ALB: variants seen among roughly 807,000 people sequenced by gnomAD.
ALB encodes serum albumin.
Under a neutral mutation model 74.5 loss-of-function variants are expected in ALB, and 37 were observed. The ratio of observed to expected loss-of-function variants is 0.50; its 90% CI spans 0.38 to 0.65. The LOEUF is 0.65. Ranked by LOEUF, ALB falls within the 30% of genes least tolerant of loss-of-function variation. ALB has a pLI of 0.00. For missense variants in ALB, 685 were observed against 718.7 expected (o/e 0.95, Z 0.54); for synonymous variants, 249 against 251.6 (o/e 0.99, Z 0.10).
Position 73,421,194 on chromosome 4 carries a change from T to A in ALB, c.*126T>A. ...CAACACCCTGTCTAAAAAACATAAA[T>A]TTCTTTAATCATTTTGCCTCTTTTC... On this transcript the variant is annotated 3_prime_UTR_variant, in exon 15 of 15. Coordinates refer to ENST00000295897, the MANE Select transcript of ALB (RefSeq NM_000477.7). 1.5e-6 allele frequency: 1 copy of A among 651,732 alleles called. No homozygotes were observed. 40.4% of individuals were successfully genotyped at this position (651,732 alleles called of 1,614,324 possible).
chr4:73,416,197 A>G, intron 9 of ALB, 59 bp from the exon 10 acceptor site: 1 of 1,433,072 alleles, frequency 7.0e-7, no homozygotes, highest in Non-Finnish European at 9.8e-7. Context: ...AGGGGTGAAA[A>G]ACAACCTGCA....
chr4:73,419,742 TG>T, intron 13 of ALB, 103 bp downstream of exon 13: 1 of 1,367,878 alleles, frequency 7.3e-7, no homozygotes, highest in Non-Finnish European at 1.0e-6. Context: ...TTTGTACATG[TG>T]GGACAGGGAT....
At position 73,413,430 on chromosome 4, in the gene ALB, C is replaced by T; in HGVS notation, c.854C>T (p.Ala285Val). 1 of 1,613,824 alleles carries T rather than the reference C, an allele frequency of 6.2e-7. No homozygotes were observed. Among genetic ancestry groups the T allele is most frequent in the Non-Finnish European group, 8.5e-7 (1 of 1,179,776 alleles). ...LECADDRADL[A>V]KYICENQDSI... ...CCAACTTACTTATAGGCGGACCTTGCCAAGTATATCTGTGAAAATCAAGAT... is the reference window on the plus strand; with the variant it reads ...CCAACTTACTTATAGGCGGACCTTGTCAAGTATATCTGTGAAAATCAAGAT... The change falls in exon 8 of 15, where the codon GCC becomes GTC. Residue 285 changes from alanine to valine, a missense_variant. Physicochemically the swap from Ala to Val is moderately conservative, Grantham distance 64. Transcript: ENST00000295897.
At position 73,418,186 on chromosome 4, in the gene ALB, A is replaced by G; in HGVS notation, c.1527A>G (p.Arg509=). 1 of 1,614,192 alleles carries G rather than the reference A, an allele frequency of 6.2e-7. No individual in the cohort carries two copies. Among genetic ancestry groups the G allele is most frequent in the Middle Eastern group, 1.6e-4 (1 of 6,062 alleles). Reference sequence around the variant, plus strand: ...GCACAGAATCCTTGGTGAACAGGCGACCATGCTTTTCAGCTCTGGAAGTCG... The same window carrying G: ...GCACAGAATCCTTGGTGAACAGGCGGCCATGCTTTTCAGCTCTGGAAGTCG... ...KCCTESLVNR[R]PCFSALEVDE... Residue 509 remains arginine (R), a synonymous_variant, in exon 12 of 15, where the codon CGA becomes CGG. Transcript: ENST00000295897.
In ALB at chr4:73,405,103, T is replaced by C. The variant is rs1287833324; in HGVS notation, c.80-13T>C. On this transcript the variant is annotated splice_polypyrimidine_tract_variant and intron_variant, in intron 1 of 14. Transcript: ENST00000295897. ...CAGTATTTAACAATCCTTTTTTTTC[T>C]TCCCTTGCCCAGACAAGAGTGAGGT... 6.2e-7 allele frequency: 1 copy of C among 1,612,738 alleles called. No individual in the cohort carries two copies. The highest frequency in any genetic ancestry group is 8.5e-7 in the Non-Finnish European group (1 of 1,178,890).
chr4:73,415,300 A>C (rs2149328873), intron 9 of ALB, 133 bp downstream of exon 9: 1 of 1,055,340 alleles, frequency 9.5e-7, no homozygotes, highest in East Asian at 2.6e-5. Flanking sequence ...TCAATTCTGG[A>C]ATCTTAAACA....
chr4:73,407,732 A>G (rs927676353), intron 3 of ALB, among the ~76,000 whole-genome samples: 2 of 152,212 alleles, frequency 1.3e-5, no homozygotes, highest in Non-Finnish European at 2.9e-5. Flanking sequence ...ATAAAAAAGC[A>G]GAGTACTTAG....
At chr4:73,411,960 T>C in intron 6 of ALB, 36 bp from the exon 7 acceptor site, 1 of 1,613,536 alleles carries the variant, frequency 6.2e-7, no homozygotes, top group Non-Finnish European at 8.5e-7. Flanking sequence ...AAATATCGCA[T>C]GATAATACCA....
At chr4:73,418,777 C>T (rs1180110862) in intron 12 of ALB, among the ~76,000 whole-genome samples, 1 of 152,146 alleles carries the variant, frequency 6.6e-6, no homozygotes, top group Non-Finnish European at 1.5e-5. Context: ...AGCCCTGAAG[C>T]TCAACTCCCT....
chr4:73,410,448 T>G, intron 6 of ALB, 39 bp downstream of exon 6: 1 of 1,405,424 alleles, frequency 7.1e-7, no homozygotes, highest in Non-Finnish European at 1.0e-6. Context: ...TTTATAACGA[T>G]GTAAATGATA....
rs770058252 is a variant in ALB, at chr4:73,404,359, T to C, written c.32T>C (p.Phe11Ser). The change falls in exon 1 of 15, where the codon TTT (phenylalanine) becomes TCT (serine). Residue 11 changes from phenylalanine to serine, a missense_variant. Phe to Ser is a radical substitution (Grantham distance 155, BLOSUM62 -2). Coordinates refer to ENST00000295897, the MANE Select transcript of ALB (RefSeq NM_000477.7). MKWVTFISLLFLFSSAYSRGV... is the reference protein window; with the variant it reads MKWVTFISLLSLFSSAYSRGV... ...TGGGTAACCTTTATTTCCCTTCTTT[T>C]TCTCTTTAGCTCGGCTTATTCCAGG... 3 of 1,613,896 alleles carry C rather than the reference T, an allele frequency of 1.9e-6. No homozygotes were observed. The highest frequency in any genetic ancestry group is 2.5e-6 in the Non-Finnish European group (3 of 1,179,848).
chr4:73,414,567 G>T (rs535489250), intron 8 of ALB, among the ~76,000 whole-genome samples: 2 of 152,070 alleles, frequency 1.3e-5, no homozygotes, highest in Non-Finnish European at 2.9e-5. Flanking sequence ...AGGTTCAAGC[G>T]ATTCTCCTGC....
chr4:73,416,373 T>G lies in ALB; in HGVS notation c.1289+20T>G, dbSNP rs1719014884. 2.0e-6 allele frequency: 3 copies of G among 1,537,474 alleles called. No homozygotes were observed. Among genetic ancestry groups the G allele is most frequent in the Non-Finnish European group, 2.7e-6 (3 of 1,116,270 alleles). On this transcript the variant is annotated intron_variant, in intron 10 of 14. Transcript: ENST00000295897. ...GAATGCGTAAGTAATTTTTATTGACTGATTTTTTTTATCAATTTGTAATTA... is the reference window on the plus strand; with the variant it reads ...GAATGCGTAAGTAATTTTTATTGACGGATTTTTTTTATCAATTTGTAATTA...
chr4:73,413,417 T>C lies in ALB; in HGVS notation c.844-3T>C, dbSNP rs1251122267. 6 of 1,612,180 alleles carry C rather than the reference T, an allele frequency of 3.7e-6. No homozygotes were observed. The African/African-American group carries it at 5.3e-5, about 14-fold the overall frequency. ...TGAACAATTTCCACCAACTTACTTA[T>C]AGGCGGACCTTGCCAAGTATATCTG... On this transcript the variant is annotated splice_polypyrimidine_tract_variant and splice_region_variant and intron_variant, in intron 7 of 14. Coordinates refer to ENST00000295897, the MANE Select transcript of ALB (RefSeq NM_000477.7).
At chr4:73,414,078 A>C (rs953862657) in intron 8 of ALB, among the ~76,000 whole-genome samples, 1 of 152,208 alleles carries the variant, frequency 6.6e-6, no homozygotes, top group African/African-American at 2.4e-5. Flanking sequence ...GTCTGACACC[A>C]GGTGCTTTAT....
rs373682659 is a variant in ALB, at chr4:73,418,079, G to A, written c.1429-9G>A. 2.5e-6 allele frequency: 4 copies of A among 1,613,442 alleles called. No homozygotes were observed. Among genetic ancestry groups the A allele is most frequent in the Non-Finnish European group, 3.4e-6 (4 of 1,179,618 alleles). On this transcript the variant is annotated splice_polypyrimidine_tract_variant and intron_variant, in intron 11 of 14. Coordinates refer to ENST00000295897, the MANE Select transcript of ALB (RefSeq NM_000477.7). ...CTTTTGAATTTCTGCTCTCCTGCCTGTTCTTTAGCTATCCGTGGTCCTGAA... is the reference window on the plus strand; with the variant it reads ...CTTTTGAATTTCTGCTCTCCTGCCTATTCTTTAGCTATCCGTGGTCCTGAA...
At chr4:73,411,695 C>G (rs1718880971) in intron 6 of ALB, among the ~76,000 whole-genome samples, 1 of 152,152 alleles carries the variant, frequency 6.6e-6, no homozygotes, top group Non-Finnish European at 1.5e-5. Context: ...AAAGCCAGAG[C>G]TGGAAGTCAC....
chr4:73,405,414 A>G (rs1718694936), intron 2 of ALB, among the ~76,000 whole-genome samples: 1 of 152,130 alleles, frequency 6.6e-6, no homozygotes, highest in African/African-American at 2.4e-5. Flanking sequence ...CTTAAATTGT[A>G]TTTAATTGTA....
rs1189339285 is a variant in ALB, at chr4:73,409,411, T to C, written c.539T>C (p.Phe180Ser). 6.2e-7 allele frequency: 1 copy of C among 1,614,074 alleles called. No homozygotes were observed. The highest frequency in any genetic ancestry group is 1.3e-5 in the African/African-American group (1 of 75,066). Residue 180 changes from phenylalanine (F) to serine (S), a missense_variant, in exon 5 of 15, where the codon TTC becomes TCC. Coordinates refer to ENST00000295897, the MANE Select transcript of ALB (RefSeq NM_000477.7). ...TACTTTTATGCCCCGGAACTCCTTT[T>C]CTTTGCTAAAAGGTATAAAGCTGCT... ...HPYFYAPELL[F>S]FAKRYKAAFT...
Sources: allele counts gnomAD v4.1 joint callset (sites outside exome capture counted in the v4.1 genomes callset), GRCh38; gene constraint gnomAD v4.1.1; transcripts MANE v1.5; gene names NCBI Gene and HGNC (gene_info 2026-07-23, HGNC 2026-07-21).